HEATR1: variants seen among roughly 807,000 people sequenced by gnomAD.
The protein encoded by HEATR1 is HEAT repeat-containing protein 1.
HEATR1 carries 77 observed loss-of-function variants against 248.2 expected under a neutral mutation model. The ratio of observed to expected loss-of-function variants is 0.31; its 90% CI spans 0.26 to 0.37. The LOEUF is 0.37. Ranked by LOEUF, HEATR1 falls within the 10% of genes least tolerant of loss-of-function variation. The pLI, the probability that HEATR1 is intolerant of heterozygous loss-of-function variation, is 1.00. For synonymous variants in HEATR1, 897 were observed against 923.1 expected (o/e 0.97, Z 0.51); for missense variants, 2,420 against 2,504.9 (o/e 0.97, Z 0.72).
Position 236,582,776 on chromosome 1 carries a change from T to C in HEATR1, c.2522A>G (p.Asp841Gly), listed in dbSNP as rs746827890. 1 of 1,614,044 alleles carries C rather than the reference T, an allele frequency of 6.2e-7. No individual in the cohort carries two copies. The highest frequency in any genetic ancestry group is 1.3e-5 in the African/African-American group (1 of 74,918). The change falls in exon 19 of 45, where the codon GAT (aspartate) becomes GGT (glycine). Residue 841 changes from aspartate (D) to glycine (G), a missense_variant. Transcript: ENST00000366582. ...GLFEMMLNGA[D>G]AVHFRVLMKL... ...CATCAGAACTCTGAAATGAACAGCA[T>C]CGGCACCATTGAGCATCATCTCAAA...
intron 20 of HEATR1, 77 bp from the exon 21 acceptor site, chr1:236,577,026 G>T: frequency 8.9e-7 from 1 of 1,123,716 alleles, no homozygotes; most frequent in South Asian, 1.8e-5. Flanking sequence ...AGTACCAAAG[G>T]TACTTGATAA....
intron 5 of HEATR1, among the ~76,000 whole-genome samples, chr1:236,597,424 C>T (rs1312148298): frequency 2.6e-5 from 4 of 151,862 alleles, no homozygotes; most frequent in African/African-American, 4.8e-5. Context: ...AGTTTATTTT[C>T]GTATTTTTAG....
intron 28 of HEATR1, 125 bp downstream of exon 28, chr1:236,571,226 T>G (rs759826651): frequency 2.1e-5 from 24 of 1,164,418 alleles, no homozygotes; most frequent in Non-Finnish European, 2.6e-5. Context: ...GGGCTGAGAG[T>G]CTCACCAGTG....
rs1663420967 is a variant in HEATR1 at position 236,571,398 on chromosome 1, G to A, written c.3901C>T (p.His1301Tyr). ...CIRLSEMPQT[H>Y]HHALLLLGTV... ...CCCAAAAGTAAAAGGGCATGGTGAT[G>A]GGTCTGCGGCATCTCCGAAAGGCGG... Residue 1301 changes from histidine (H) to tyrosine (Y), a missense_variant, in exon 28 of 45, where the codon CAT becomes TAT. Physicochemically the swap from His to Tyr is moderately conservative, Grantham distance 83. Transcript: ENST00000366582. 1 of 1,612,126 alleles carries A rather than the reference G, an allele frequency of 6.2e-7. No individual in the cohort carries two copies. Among genetic ancestry groups the A allele is most frequent in the Non-Finnish European group, 8.5e-7 (1 of 1,179,592 alleles).
At chr1:236,561,151 T>C (rs889648217) in intron 33 of HEATR1, 74 bp downstream of exon 33, 3 of 1,055,282 alleles carry the variant, frequency 2.8e-6, no homozygotes, top group Non-Finnish European at 4.4e-6. Flanking sequence ...GAATTTTCTG[T>C]ACTGTTTTTC....
chr1:236,587,163 C>G (rs1009112628), intron 14 of HEATR1, among the ~76,000 whole-genome samples: 1 of 151,996 alleles, frequency 6.6e-6, no homozygotes. Context: ...ACATTATATA[C>G]TTCCTTTTGC....
At position 236,576,781 on chromosome 1, in the gene HEATR1, T is replaced by C. The variant is rs1663572412; in HGVS notation, c.2924A>G (p.Gln975Arg). 39 of 1,608,232 alleles carry C rather than the reference T, an allele frequency of 2.4e-5. No individual in the cohort carries two copies. The highest frequency in any genetic ancestry group is 3.3e-5 in the Non-Finnish European group (39 of 1,177,816). ...AATCTTCTTTGCTAACGAGCTTACC[T>C]GAATAACATAGGCAGCATCTGAAGT... ...EITSDAAYVI[Q>R]DLATLFEELQ... Residue 975 changes from glutamine (Q) to arginine (R), a missense_variant and splice_region_variant, in exon 21 of 45, where the codon CAG (glutamine) becomes CGG (arginine). By Grantham distance (43) the Gln-to-Arg change is conservative. Transcript: ENST00000366582.
rs934435092 is a variant in HEATR1, at chr1:236,568,484, T to G, written c.4077+512A>C. ...AGCTCTTTTACTCTTGAGGCTACTT[T>G]TAACTTTTGAATTGTTCATTCCTTA... On this transcript the variant is annotated intron_variant, in intron 29 of 44. Coordinates refer to ENST00000366582, the MANE Select transcript of HEATR1 (RefSeq NM_018072.6). Among the ~76,000 whole-genome samples, 5 of 152,210 alleles carry G rather than the reference T, an allele frequency of 3.3e-5. No individual in the cohort carries two copies. The East Asian group carries it at 9.6e-4, about 29-fold the overall frequency.
Position 236,565,941 on chromosome 1 carries a change from T to C in HEATR1, c.4413A>G (p.Leu1471=). ...TACCTTCTTTTTCCTCTGGCAGCTTTAGTAAGTACTGGAGGATATTCATCA... is the reference window on the plus strand; with the variant it reads ...TACCTTCTTTTTCCTCTGGCAGCTTCAGTAAGTACTGGAGGATATTCATCA... The part of the protein sequence containing the change: ...QSLMNILQYL[L]KLPEEKEETI... Residue 1471 remains leucine (L), a synonymous_variant, in exon 31 of 45, where the codon CTA becomes CTG. Coordinates refer to ENST00000366582, the MANE Select transcript of HEATR1 (RefSeq NM_018072.6). 5 of 1,613,804 alleles carry C rather than the reference T, an allele frequency of 3.1e-6. No homozygotes were observed. The highest frequency in any genetic ancestry group is 4.2e-6 in the Non-Finnish European group (5 of 1,179,844).
intron 20 of HEATR1, among the ~76,000 whole-genome samples, chr1:236,578,948 A>T (rs1343575062): frequency 6.6e-6 from 1 of 152,220 alleles, no homozygotes; most frequent in Admixed American, 6.5e-5. Flanking sequence ...TTTTACAGTA[A>T]TTAGTTATTT....
intron 41 of HEATR1, 61 bp from the exon 42 acceptor site, chr1:236,554,813 G>A (rs1662908150): frequency 2.2e-6 from 3 of 1,377,682 alleles, no homozygotes; most frequent in Non-Finnish European, 3.0e-6. Context: ...AATCTCCAAT[G>A]TTTACATTGA....
intron 12 of HEATR1, among the ~76,000 whole-genome samples, chr1:236,589,795 A>C (rs1056883352): frequency 6.6e-6 from 1 of 152,210 alleles, no homozygotes; most frequent in Non-Finnish European, 1.5e-5. Flanking sequence ...ACACAGATGG[A>C]GCATTCCTAT....
intron 20 of HEATR1, 58 bp from the exon 21 acceptor site, chr1:236,577,007 A>G: frequency 3.0e-6 from 4 of 1,336,280 alleles, no homozygotes; most frequent in Non-Finnish European, 4.1e-6. Context: ...AACAGTACAA[A>G]ATTTACATAG....
intron 37 of HEATR1, among the ~76,000 whole-genome samples, 179 bp from the exon 38 acceptor site, chr1:236,556,437 A>C (rs757138840): frequency 5.3e-5 from 8 of 152,220 alleles, no homozygotes; most frequent in Non-Finnish European, 8.8e-5. Flanking sequence ...CTGGGCAGAC[A>C]CCTCTTGCCC....
chr1:236,555,406 T>C lies in HEATR1; in HGVS notation c.5813A>G (p.Asn1938Ser), dbSNP rs764808973. 5.0e-6 allele frequency: 8 copies of C among 1,614,096 alleles called. No individual in the cohort carries two copies. The highest frequency in any genetic ancestry group is 3.3e-5 in the Admixed American group (2 of 60,002). ...CTTTTCAGCAATGCAATCTGCCAAG[T>C]TGTAAAATGTCAACAACCTGTCCTT... ...APKDRLLTFY[N>S]LADCIAEKLK... is the part of the protein sequence containing the mutation. Residue 1938 changes from asparagine (N) to serine (S), a missense_variant, in exon 41 of 45, where the codon AAC becomes AGC. Coordinates refer to ENST00000366582, the MANE Select transcript of HEATR1 (RefSeq NM_018072.6).
Position 236,587,440 on chromosome 1 carries a change from AT to A in HEATR1, c.1676del (p.Asn559IlefsTer20). 6.5e-7 allele frequency: 1 copy of A among 1,540,388 alleles called. No homozygotes were observed. ...TTGAAAGTTCTGCTCTTTGAAAGAG[AT>A]TCAGAAGATTTGAAATCGTCACTTC... ...SSEVTISNLL[N>X]LFQRAELSKN... On this transcript the variant is annotated frameshift_variant, in exon 14 of 45. Transcript: ENST00000366582. LOFTEE classifies it high-confidence loss of function.
chr1:236,590,881 A>G lies in HEATR1; in HGVS notation c.1496T>C (p.Met499Thr). The G allele has an allele frequency of 6.6e-7, 1 of 1,522,612 alleles. No homozygotes were observed. Among genetic ancestry groups the G allele is most frequent in the Non-Finnish European group, 8.9e-7 (1 of 1,127,890 alleles). The allele number at this position is 1,522,612 out of a possible 1,614,324, so 94.3% of individuals were successfully genotyped here. ...HPLAPVRILAMNHLKKIMKTS... is the reference protein window; with the variant it reads ...HPLAPVRILATNHLKKIMKTS... ...TTTCATGATCTTTTTCAAATGATTC[A>G]TGGCCAGAATTCTCACAGGAGCAAG... The change falls in exon 12 of 45, where the codon ATG (methionine) becomes ACG (threonine). Residue 499 changes from methionine (M) to threonine (T), a missense_variant. Met to Thr is a moderately conservative substitution (Grantham distance 81). Coordinates refer to ENST00000366582, the MANE Select transcript of HEATR1 (RefSeq NM_018072.6).
chr1:236,559,638 A>T, intron 34 of HEATR1, 76 bp downstream of exon 34: 2 of 1,470,392 alleles, frequency 1.4e-6, no homozygotes, highest in Non-Finnish European at 1.8e-6. Context: ...GTTTATTCTT[A>T]AAAACTTTAC....
intron 3 of HEATR1, 138 bp downstream of exon 3, chr1:236,603,022 A>C: frequency 1.6e-6 from 1 of 629,392 alleles, no homozygotes; most frequent in Non-Finnish European, 2.8e-6. Context: ...GAGCATGCTT[A>C]TCTCACACAA....
Sources: allele counts gnomAD v4.1 joint callset (sites outside exome capture counted in the v4.1 genomes callset), GRCh38; gene constraint gnomAD v4.1.1; transcripts MANE v1.5; gene names NCBI Gene and HGNC (gene_info 2026-07-23, HGNC 2026-07-21).